NFATC3: variants seen among roughly 807,000 people sequenced by gnomAD.
The protein encoded by NFATC3 is nuclear factor of activated T-cells, cytoplasmic 3.
NFATC3 carries 46 observed loss-of-function variants against 98.6 expected under a neutral mutation model. The ratio of observed to expected loss-of-function variants is 0.47; its 90% CI spans 0.37 to 0.60. NFATC3 has a LOEUF of 0.60. Ranked by LOEUF, NFATC3 falls within the 20% of genes least tolerant of loss-of-function variation. NFATC3 has a pLI of 0.00. For missense variants in NFATC3, 1,256 were observed against 1,295.5 expected (o/e 0.97, Z 0.47); for synonymous variants, 512 against 472.2 (o/e 1.08, Z -1.09).
chr16:68,191,406 A>C lies in NFATC3; in HGVS notation c.2737A>C (p.Ile913Leu). ...TCAGCCTTCGTCTCAGTTACAACCT[A>C]TTACATATGGTCCTTCACATTCAGG... is the stretch of plus-strand genomic sequence containing the variant. The part of the protein sequence containing the change: ...TGQPSSQLQP[I>L]TYGPSHSGSA... The change falls in exon 9 of 10, where the codon ATT (isoleucine) becomes CTT (leucine). Residue 913 changes from isoleucine to leucine, a missense_variant. Ile to Leu is a conservative substitution (Grantham distance 5, BLOSUM62 2). Coordinates refer to ENST00000346183, the MANE Select transcript of NFATC3 (RefSeq NM_173165.3). The C allele has an allele frequency of 1.2e-6, 2 of 1,614,082 alleles. No homozygotes were observed. The highest frequency in any genetic ancestry group is 1.7e-6 in the Non-Finnish European group (2 of 1,180,010).
rs1450226286 is a variant in NFATC3 at position 68,085,574 on chromosome 16, C to T, written c.-108C>T. On this transcript the variant is annotated 5_prime_UTR_variant, in exon 1 of 10. Transcript: ENST00000346183. ...AAAGTTTGCCGTGGAGTCGCGACCT[C>T]TTGGCCCGCGCGGCCCGGCATGAAG... 4 of 1,012,312 alleles carry T rather than the reference C, an allele frequency of 4.0e-6. No individual in the cohort carries two copies. Among genetic ancestry groups the T allele is most frequent in the Non-Finnish European group, 5.4e-6 (4 of 734,886 alleles). The allele number at this position is 1,012,312 out of a possible 1,614,324, so 62.7% of individuals were successfully genotyped here.
intron 9 of NFATC3, chr16:68,221,470 G>T: frequency 7.7e-7 from 1 of 1,296,846 alleles, no homozygotes. Flanking sequence ...ACTTGAGCAT[G>T]ATTTTTGTTG....
intron 1 of NFATC3, among the ~76,000 whole-genome samples, chr16:68,108,041 A>T (rs2035756885): frequency 1.3e-5 from 2 of 151,674 alleles, no homozygotes; most frequent in African/African-American, 4.8e-5. Context: ...CTGTGATGAT[A>T]GTTTCTTTTG....
intron 7 of NFATC3, among the ~76,000 whole-genome samples, chr16:68,182,475 T>G (rs2039988377): frequency 6.6e-6 from 1 of 152,200 alleles, no homozygotes; most frequent in Non-Finnish European, 1.5e-5. Flanking sequence ...ATAACACATT[T>G]TGTTTAATGC....
At chr16:68,090,312 T>C (rs2034636406) in intron 1 of NFATC3, among the ~76,000 whole-genome samples, 1 of 122,400 alleles carries the variant, frequency 8.2e-6, no homozygotes, top group Non-Finnish European at 1.7e-5. Flanking sequence ...CCCCCCAACA[T>C]TTCTTTAAAA....
intron 1 of NFATC3, among the ~76,000 whole-genome samples, chr16:68,115,002 G>T (rs2151488824): frequency 6.6e-6 from 1 of 152,060 alleles, no homozygotes; most frequent in Non-Finnish European, 1.5e-5. Context: ...GTTTTTCTCT[G>T]AACATATTTC....
intron 3 of NFATC3, among the ~76,000 whole-genome samples, chr16:68,135,286 G>A (rs1026509380): frequency 2.0e-5 from 3 of 151,718 alleles, no homozygotes; most frequent in Non-Finnish European, 2.9e-5. Context: ...GTGAAACCCC[G>A]TTTCTACTAA....
Position 68,219,025 on chromosome 16 carries a change from A to G in NFATC3, c.3107-7325A>G, listed in dbSNP as rs116145208. The stretch of plus-strand genomic sequence containing the variant: ...AGGCCGAGGCGAGGTAGAAGGATCA[A>G]TTGAGGCCAGAAGTTCGAGACCAGC... On this transcript the variant is annotated intron_variant, in intron 9 of 9. Coordinates refer to ENST00000346183, the MANE Select transcript of NFATC3 (RefSeq NM_173165.3). Among the ~76,000 whole-genome samples the G allele has an allele frequency of 6.4e-3, 964 of 151,780 alleles. 10 individuals carry two copies. Among genetic ancestry groups the G allele is most frequent in the African/African-American group, 0.022 (913 of 41,402 alleles).
intron 9 of NFATC3, among the ~76,000 whole-genome samples, chr16:68,221,985 A>G (rs2041880137): frequency 6.6e-6 from 1 of 152,112 alleles, no homozygotes; most frequent in South Asian, 2.1e-4. Context: ...GACTTCTTAT[A>G]AGATATAGAA....
chr16:68,119,297 G>A (rs73612690), intron 1 of NFATC3, among the ~76,000 whole-genome samples: 27,931 of 152,084 alleles, frequency 0.18, 2,938 homozygotes, highest in African/African-American at 0.28. Flanking sequence ...TGCTGCTTCT[G>A]CTTTTACAGC....
chr16:68,159,703 G>A (rs2038800084), intron 4 of NFATC3, among the ~76,000 whole-genome samples: 1 of 151,804 alleles, frequency 6.6e-6, no homozygotes, highest in Admixed American at 6.6e-5. Context: ...GATTACAGGC[G>A]TGAGCCACTG....
chr16:68,133,147 T>A (rs1386522877), intron 3 of NFATC3, among the ~76,000 whole-genome samples: 1 of 152,146 alleles, frequency 6.6e-6, no homozygotes, highest in African/African-American at 2.4e-5. Flanking sequence ...ATGCCTGTAA[T>A]CTCAGCTACT....
intron 3 of NFATC3, among the ~76,000 whole-genome samples, chr16:68,135,417 C>T (rs535176012): frequency 4.2e-5 from 6 of 142,170 alleles, no homozygotes; most frequent in East Asian, 4.2e-4. Context: ...GAGATTGCGC[C>T]GCTGCACTCC....
At chr16:68,088,884 C>A in intron 1 of NFATC3, 1 of 629,836 alleles carries the variant, frequency 1.6e-6, no homozygotes, top group Non-Finnish European at 2.0e-6. Context: ...GTTGCCCAGG[C>A]TAGTCTGGAA....
At chr16:68,168,143 ATTC>A (rs1009398187) in intron 5 of NFATC3, among the ~76,000 whole-genome samples, 2 of 140,492 alleles carry the variant, frequency 1.4e-5, no homozygotes, top group African/African-American at 5.3e-5. Flanking sequence ...AAACACATGT[ATTC>A]TTTTTTTCAG....
Position 68,085,403 on chromosome 16 carries a change from G to A in NFATC3, c.-279G>A, listed in dbSNP as rs1332982910. ...AGAGCGCACCCGCGGCGGCGGTGGC[G>A]GCGACTGTGGGGGGGCGGCGGGGAA... On this transcript the variant is annotated 5_prime_UTR_variant, in exon 1 of 10. Coordinates refer to ENST00000346183, the MANE Select transcript of NFATC3 (RefSeq NM_173165.3). 2 of 232,872 alleles carry A rather than the reference G, an allele frequency of 8.6e-6. No homozygotes were observed. The highest frequency in any genetic ancestry group is 4.7e-5 in the African/African-American group (2 of 42,252). The allele number at this position is 232,872 out of a possible 1,614,324, so 14.4% of individuals were successfully genotyped here.
intron 1 of NFATC3, among the ~76,000 whole-genome samples, chr16:68,088,430 CAT>C (rs1199095125): frequency 5.6e-5 from 8 of 142,692 alleles, no homozygotes; most frequent in South Asian, 2.2e-4. Flanking sequence ...ATTATATACT[CAT>C]ATACTATATA....
intron 3 of NFATC3, among the ~76,000 whole-genome samples, chr16:68,143,969 C>T (rs1204009079): frequency 6.6e-6 from 1 of 152,046 alleles, no homozygotes; most frequent in East Asian, 1.9e-4. Context: ...ATACCAAAAG[C>T]ACCATACCTA....
At position 68,210,474 on chromosome 16, in the gene NFATC3, AAAAAT is replaced by A. The variant is rs541378237; in HGVS notation, c.3107-15871_3107-15867del. The stretch of plus-strand genomic sequence containing the variant: ...TGACAGAGTGACACCTTGTCTCAAA[AAAAAT>A]AAAAGAATTTTTACAAACACTTTTC... On this transcript the variant is annotated intron_variant, in intron 9 of 9. Transcript: ENST00000346183. Among the ~76,000 whole-genome samples, 950 of 152,262 alleles carry A rather than the reference AAAAAT, an allele frequency of 6.2e-3. 11 individuals are homozygous for A. The highest frequency in any genetic ancestry group is 0.022 in the African/African-American group (901 of 41,544).
Sources: allele counts gnomAD v4.1 joint callset (sites outside exome capture counted in the v4.1 genomes callset), GRCh38; gene constraint gnomAD v4.1.1; transcripts MANE v1.5; gene names NCBI Gene and HGNC (gene_info 2026-07-23, HGNC 2026-07-21).